Variants in SRCAP observed in about 807,000 individuals in gnomAD.
SRCAP encodes the protein chromatin remodeling protein SRCAP.
SRCAP carries 46 observed loss-of-function variants against 263.1 expected under a neutral mutation model. The observed-to-expected ratio is 0.17, with a 90% confidence interval of 0.14 to 0.22. The LOEUF (loss-of-function observed/expected upper bound fraction) is 0.22, where lower values mean the gene tolerates loss of function less well. Ranked by LOEUF, SRCAP falls within the 10% of genes least tolerant of loss-of-function variation. The pLI, the probability that SRCAP is intolerant of heterozygous loss-of-function variation, is 1.00. For missense variants in SRCAP, 3,695 were observed against 4,181.9 expected (o/e 0.88, Z 3.21); for synonymous variants, 1,813 against 1,662.1 (o/e 1.09, Z -2.21).
intron 21 of SRCAP, 31 bp from the exon 22 acceptor site, chr16:30,722,091 T>C: frequency 6.2e-7 from 1 of 1,601,870 alleles, no homozygotes; most frequent in Non-Finnish European, 8.5e-7. Context: ...AGGATGAGCC[T>C]TGTGTACAAT....
chr16:30,711,164 T>A, intron 10 of SRCAP, 76 bp downstream of exon 10: 2 of 1,152,190 alleles, frequency 1.7e-6, no homozygotes, highest in Non-Finnish European at 1.3e-6. Context: ...AAGAGATGAA[T>A]AAGGCACTTT....
Position 30,707,279 on chromosome 16 carries a change from G to A in SRCAP, c.403G>A (p.Gly135Ser). 1.9e-6 allele frequency: 3 copies of A among 1,614,178 alleles called. No individual in the cohort carries two copies. The highest frequency in any genetic ancestry group is 2.5e-6 in the Non-Finnish European group (3 of 1,180,034). Residue 135 changes from glycine to serine, a missense_variant, in exon 5 of 34, where the codon GGT becomes AGT. Gly to Ser is a moderately conservative substitution (Grantham distance 56, BLOSUM62 0). Coordinates refer to ENST00000262518, the MANE Select transcript of SRCAP (RefSeq NM_006662.3). The part of the protein sequence containing the change: ...PKVPEPPRPK[G>S]HWDYLCEEMQ... ...GGTGCCAGAGCCCCCTCGCCCCAAA[G>A]GTCACTGGGACTATTTGTGCGAAGA...
chr16:30,701,636 CTTTTTTT>C (rs35698444), intron 3 of SRCAP, among the ~76,000 whole-genome samples: 4 of 136,760 alleles, frequency 2.9e-5, no homozygotes, highest in Non-Finnish European at 4.7e-5. Context: ...TTTTTCTTTT[CTTTTTTT>C]TTTTTTTTGA....
At chr16:30,707,407 A>G in intron 5 of SRCAP, 39 bp downstream of exon 5, 1 of 1,608,308 alleles carries the variant, frequency 6.2e-7, no homozygotes. Context: ...TTTCCTTTTC[A>G]GGTCTGTTCC....
intron 3 of SRCAP, 74 bp downstream of exon 3, chr16:30,700,952 C>T: frequency 6.6e-7 from 1 of 1,506,340 alleles, no homozygotes; most frequent in Non-Finnish European, 9.2e-7. Context: ...AGAAATGTGG[C>T]AGGGGAATAT....
At chr16:30,704,840 T>C (rs2052808936) in intron 4 of SRCAP, among the ~76,000 whole-genome samples, 2 of 151,338 alleles carry the variant, frequency 1.3e-5, no homozygotes. Flanking sequence ...AGATCCTGTC[T>C]CAAAAAAAAA....
chr16:30,728,925 CTG>C (rs765899592), intron 25 of SRCAP, 39 bp from the exon 26 acceptor site: 3 of 1,579,428 alleles, frequency 1.9e-6, no homozygotes, highest in Non-Finnish European at 2.6e-6. Flanking sequence ...GATGTGGACT[CTG>C]AGGGTGCTGA....
At chr16:30,701,387 CT>C (rs2052764515) in intron 3 of SRCAP, 2 of 152,416 alleles carry the variant, frequency 1.3e-5, no homozygotes, top group South Asian at 4.1e-4. Context: ...CCATGCTAAT[CT>C]TTTCTGTATC....
At chr16:30,734,719 T>A (rs1441063190) in intron 31 of SRCAP, 104 bp downstream of exon 31, 1 of 1,527,266 alleles carries the variant, frequency 6.5e-7, no homozygotes, top group Non-Finnish European at 8.9e-7. Context: ...ATGTTTCTTC[T>A]GCTTCCCAGA....
chr16:30,729,696 T>G, intron 27 of SRCAP, 124 bp downstream of exon 27: 1 of 1,170,834 alleles, frequency 8.5e-7, no homozygotes, highest in Non-Finnish European at 1.2e-6. Context: ...AGATGGTTTT[T>G]TAGGTTATGC....
rs2053200054 is a variant in SRCAP, at chr16:30,739,412, A to G, written c.9372A>G (p.Pro3124=). The change falls in exon 34 of 34, where the codon CCA becomes CCG. Residue 3124 remains proline (P), a synonymous_variant. Coordinates refer to ENST00000262518, the MANE Select transcript of SRCAP (RefSeq NM_006662.3). The part of the protein sequence containing the change: ...TPKLRSTRLR[P]GSLVPPLETE... ...AACTGCGCTCGACCCGGCTGCGTCCAGGGTCTCTAGTCCCCCCACTAGAGA... is the reference window on the plus strand; with the variant it reads ...AACTGCGCTCGACCCGGCTGCGTCCGGGGTCTCTAGTCCCCCCACTAGAGA... The G allele has an allele frequency of 6.2e-7, 1 of 1,614,232 alleles. No individual in the cohort carries two copies. The highest frequency in any genetic ancestry group is 2.2e-5 in the East Asian group (1 of 44,886).
chr16:30,716,367 A>G lies in SRCAP; in HGVS notation c.2705A>G (p.Asn902Ser). The change falls in exon 18 of 34, where the codon AAT becomes AGT. Residue 902 changes from asparagine (N) to serine (S), a missense_variant. Transcript: ENST00000262518. ...TTGATGCAGCTGAGAAAAGTTTGCA[A>G]TCATCCAAATCTGTTCGACCCTCGA... ...NILMQLRKVC[N>S]HPNLFDPRPV... 6.2e-7 allele frequency: 1 copy of G among 1,614,160 alleles called. No individual in the cohort carries two copies. Among genetic ancestry groups the G allele is most frequent in the Non-Finnish European group, 8.5e-7 (1 of 1,180,050 alleles).
In SRCAP at chr16:30,738,641, C is replaced by T; in HGVS notation, c.8601C>T (p.Asn2867=). 3 of 1,608,850 alleles carry T rather than the reference C, an allele frequency of 1.9e-6. No individual in the cohort carries two copies. The highest frequency in any genetic ancestry group is 2.5e-6 in the Non-Finnish European group (3 of 1,177,636). Residue 2867 remains asparagine (N), a synonymous_variant, in exon 34 of 34, where the codon AAC becomes AAT. Coordinates refer to ENST00000262518, the MANE Select transcript of SRCAP (RefSeq NM_006662.3). ...KRRRGRPPKK[N]RSPADAGRGV... is the part of the protein sequence containing the mutation. ...GGAGGGGGAGGCCCCCCAAGAAGAA[C>T]AGGTCTCCAGCAGATGCTGGGAGAG...
At chr16:30,730,440 CT>C (rs1314764215) in intron 27 of SRCAP, among the ~76,000 whole-genome samples, 1 of 150,668 alleles carries the variant, frequency 6.6e-6, no homozygotes, top group African/African-American at 2.4e-5. Context: ...TTCTTTCTTT[CT>C]TTTTTTTTCA....
At chr16:30,718,637 A>G (rs753648291) in intron 18 of SRCAP, among the ~76,000 whole-genome samples, 1 of 151,324 alleles carries the variant, frequency 6.6e-6, no homozygotes, top group African/African-American at 2.4e-5. Flanking sequence ...ACTCCCAGCT[A>G]ATTTTTGTAT....
In SRCAP at chr16:30,720,951, C is replaced by A; in HGVS notation, c.3226C>A (p.Gln1076Lys). 1 of 1,610,864 alleles carries A rather than the reference C, an allele frequency of 6.2e-7. No individual in the cohort carries two copies. The highest frequency in any genetic ancestry group is 1.7e-5 in the Admixed American group (1 of 59,668). The change falls in exon 20 of 34, where the codon CAG (glutamine) becomes AAG (lysine). Residue 1076 changes from glutamine (Q) to lysine (K), a missense_variant. Physicochemically the swap from Gln to Lys is moderately conservative, Grantham distance 53. Coordinates refer to ENST00000262518, the MANE Select transcript of SRCAP (RefSeq NM_006662.3). ...PPGPVLLPPL[Q>K]PNSGSLPQVL... ...TGGCCCTGTCCTCTTGCCTCCACTG[C>A]AGCCCAACAGTGGTTCTCTCCCCCA...
At position 30,724,505 on chromosome 16, in the gene SRCAP, C is replaced by A; in HGVS notation, c.5081C>A (p.Ser1694Ter). ...APALAPTLGG[S>*]SPSQTLSLGT... ...GCTTTAGCACCCACTCTTGGAGGCT[C>A]ATCTCCATCTCAGACACTCTCTTTG... is the stretch of plus-strand genomic sequence containing the variant. Residue 1694 changes from serine to a stop codon, truncating the protein, a stop_gained, in exon 25 of 34, where the codon TCA becomes TAA. Transcript: ENST00000262518. LOFTEE classifies it high-confidence loss of function. 6.2e-7 allele frequency: 1 copy of A among 1,614,202 alleles called. No homozygotes were observed. The highest frequency in any genetic ancestry group is 8.5e-7 in the Non-Finnish European group (1 of 1,180,030).
At chr16:30,707,115 A>G in intron 4 of SRCAP, 68 bp from the exon 5 acceptor site, 7 of 1,538,720 alleles carry the variant, frequency 4.5e-6, no homozygotes, top group East Asian at 2.3e-5. Flanking sequence ...GTGCTCAGGA[A>G]TTCAGCCGTG....
At chr16:30,734,157 A>T (rs2053137589) in intron 30 of SRCAP, 149 bp downstream of exon 30, 1 of 710,478 alleles carries the variant, frequency 1.4e-6, no homozygotes, top group Non-Finnish European at 2.3e-6. Flanking sequence ...AGGCTGGCCA[A>T]CATGATGAAA....
Sources: gnomAD v4.1 joint callset for allele counts (sites outside exome capture counted in the v4.1 genomes callset) on GRCh38, gnomAD v4.1.1 for gene constraint, MANE v1.5 for transcripts, NCBI Gene and HGNC (gene_info 2026-07-23, HGNC 2026-07-21) for gene names.